The following TPST2 variants were observed in gnomAD, a reference collection of about 807,000 sequenced individuals.
TPST2 encodes the protein protein-tyrosine sulfotransferase 2.
TPST2 carries 16 observed loss-of-function variants against 27.8 expected under a neutral mutation model. That is an observed-to-expected ratio of 0.58 (90% CI 0.39 to 0.88). The LOEUF (loss-of-function observed/expected upper bound fraction) is 0.88, where lower values mean the gene tolerates loss of function less well. TPST2 is among the 40% of genes least tolerant of loss of function. The pLI is 0.00. For missense variants in TPST2, 464 were observed against 543.1 expected (o/e 0.85, Z 1.45); for synonymous variants, 229 against 231.7 (o/e 0.99, Z 0.10).
At chr22:26,572,837 G>A (rs961923894) in intron 1 of TPST2, among the ~76,000 whole-genome samples, 2 of 151,698 alleles carry the variant, frequency 1.3e-5, no homozygotes, top group Non-Finnish European at 2.9e-5. Flanking sequence ...GACACTGAGA[G>A]GCATTCACAT....
At chr22:26,564,732 C>T (rs1047652392) in intron 1 of TPST2, among the ~76,000 whole-genome samples, 1 of 152,216 alleles carries the variant, frequency 6.6e-6, no homozygotes, top group Non-Finnish European at 1.5e-5. Context: ...CTGACTGGCA[C>T]TGTTATTCTC....
chr22:26,550,117 G>A (rs1926388192), intron 1 of TPST2, among the ~76,000 whole-genome samples: 2 of 151,790 alleles, frequency 1.3e-5, no homozygotes. Context: ...CATTGACCCT[G>A]AAATGTCCCT....
At chr22:26,573,007 T>C (rs1213584882) in intron 1 of TPST2, among the ~76,000 whole-genome samples, 1 of 152,150 alleles carries the variant, frequency 6.6e-6, no homozygotes, top group Non-Finnish European at 1.5e-5. Context: ...CTGGGCCTCA[T>C]TTTTCTCATC....
At chr22:26,581,042 A>ACACACACACG (rs1355862436) in intron 1 of TPST2, among the ~76,000 whole-genome samples, 2 of 69,220 alleles carry the variant, frequency 2.9e-5, no homozygotes, top group Non-Finnish European at 7.2e-5. Flanking sequence ...ACACACACAC[A>ACACACACACG]CACACACACA....
intron 1 of TPST2, among the ~76,000 whole-genome samples, chr22:26,545,775 G>A (rs994758980): frequency 6.6e-6 from 1 of 152,166 alleles, no homozygotes. Context: ...ACTTTAAAAT[G>A]TCAGCTTTTT....
chr22:26,528,133 ACAGAAAAGTGGCTTTT>A (rs1250140254), intron 6 of TPST2, 65 bp downstream of exon 6: 15 of 1,508,800 alleles, frequency 9.9e-6, no homozygotes, highest in South Asian at 6.0e-5. Flanking sequence ...CTCTGGAAGG[ACAGAAAAGTGGCTTTT>A]CAGAAAAGTG....
chr22:26,533,104 T>C (rs1241592547), intron 4 of TPST2, among the ~76,000 whole-genome samples: 7 of 152,090 alleles, frequency 4.6e-5, no homozygotes, highest in African/African-American at 1.7e-4. Context: ...GGGGCTTCTT[T>C]TGAGTGGGTG....
chr22:26,589,185 G>C (rs1928455775), intron 1 of TPST2, among the ~76,000 whole-genome samples: 2 of 152,140 alleles, frequency 1.3e-5, no homozygotes, highest in African/African-American at 4.8e-5. Flanking sequence ...CCAAGCCTCA[G>C]TCTCCCCATC....
At chr22:26,568,294 A>C (rs1424020344) in intron 1 of TPST2, among the ~76,000 whole-genome samples, 4 of 152,256 alleles carry the variant, frequency 2.6e-5, no homozygotes, top group African/African-American at 4.8e-5. Flanking sequence ...CAGCACAAGA[A>C]AGACCATAAC....
intron 1 of TPST2, among the ~76,000 whole-genome samples, chr22:26,554,316 C>T (rs748375762): frequency 6.6e-6 from 1 of 152,212 alleles, no homozygotes; most frequent in African/African-American, 2.4e-5. Context: ...GCCCCTGACA[C>T]CTGGCACAGC....
intron 1 of TPST2, among the ~76,000 whole-genome samples, chr22:26,586,569 C>A (rs1361963516): frequency 6.6e-6 from 1 of 152,108 alleles, no homozygotes; most frequent in African/African-American, 2.4e-5. Context: ...TCTTAATGCA[C>A]AGGAACTCAG....
At chr22:26,563,218 CAAATCAGTA>C (rs1244204413) in intron 1 of TPST2, among the ~76,000 whole-genome samples, 1 of 152,112 alleles carries the variant, frequency 6.6e-6, no homozygotes, top group African/African-American at 2.4e-5. Context: ...GCACCGGGGC[CAAATCAGTA>C]AACAAGACAA....
chr22:26,542,399 G>A (rs1402001555), intron 2 of TPST2, among the ~76,000 whole-genome samples: 1 of 151,966 alleles, frequency 6.6e-6, no homozygotes, highest in Non-Finnish European at 1.5e-5. Flanking sequence ...TTTAGAAACA[G>A]GGTCTCGCTT....
At chr22:26,546,495 G>C (rs979826055) in intron 1 of TPST2, among the ~76,000 whole-genome samples, 2 of 152,210 alleles carry the variant, frequency 1.3e-5, no homozygotes, top group Admixed American at 6.5e-5. Flanking sequence ...GCGAGCCCAA[G>C]AGGCCTGCCA....
intron 1 of TPST2, among the ~76,000 whole-genome samples, chr22:26,558,250 T>C (rs1020145686): frequency 8.6e-5 from 13 of 151,732 alleles, no homozygotes; most frequent in African/African-American, 3.1e-4. Flanking sequence ...GTGATTCTCC[T>C]GCCTCAGCCT....
intron 1 of TPST2, among the ~76,000 whole-genome samples, chr22:26,571,376 T>G (rs2147231666): frequency 6.6e-6 from 1 of 151,692 alleles, no homozygotes; most frequent in African/African-American, 2.4e-5. Flanking sequence ...AACCAGTTAG[T>G]GCTGCAACCT....
intron 1 of TPST2, among the ~76,000 whole-genome samples, chr22:26,551,894 T>C (rs1242517587): frequency 2.8e-5 from 3 of 106,044 alleles, no homozygotes; most frequent in African/African-American, 8.7e-5. Flanking sequence ...TTTTTTTTTT[T>C]TTTTTTTTTT....
chr22:26,552,089 G>A (rs1256658190), intron 1 of TPST2, among the ~76,000 whole-genome samples: 1 of 151,782 alleles, frequency 6.6e-6, no homozygotes, highest in Non-Finnish European at 1.5e-5. Flanking sequence ...CATTGTCCAG[G>A]CTGGTCTCAA....
intron 5 of TPST2, among the ~76,000 whole-genome samples, chr22:26,528,923 AG>A (rs1924991260): frequency 6.6e-6 from 1 of 151,900 alleles, no homozygotes; most frequent in South Asian, 2.1e-4. Context: ...CAGAGGTTGC[AG>A]TGAGCCAAGA....
Sources: allele counts gnomAD v4.1 joint callset (sites outside exome capture counted in the v4.1 genomes callset), GRCh38; gene constraint gnomAD v4.1.1; transcripts MANE v1.5; gene names NCBI Gene and HGNC (gene_info 2026-07-23, HGNC 2026-07-21).